PAG1: variants seen among roughly 807,000 people sequenced by gnomAD.
PAG1 encodes the protein phosphoprotein membrane anchor with glycosphingolipid microdomains 1.
Under a neutral mutation model 31.7 loss-of-function variants are expected in PAG1, and 23 were observed. The ratio of observed to expected loss-of-function variants is 0.73; its 90% CI spans 0.52 to 1.03. The LOEUF is 1.03. Among genes scored for constraint, PAG1 ranks in the 50% least tolerant of loss-of-function variants. The probability of loss-of-function intolerance (pLI) is 0.00; values close to 1 mark genes in which losing one functional copy is unlikely to be tolerated. For missense variants in PAG1, 473 were observed against 540.7 expected, an observed-to-expected ratio of 0.87 and a Z score of 1.24; for synonymous variants, 214 against 210.3, an observed-to-expected ratio of 1.02 and a Z score of -0.15.
chr8:81,009,745 T>C (rs879257300), intron 3 of PAG1, among the ~76,000 whole-genome samples: 3 of 152,176 alleles, frequency 2.0e-5, no homozygotes, highest in Non-Finnish European at 4.4e-5. Context: ...CTTAAGTAAC[T>C]AGGACTACAG....
chr8:81,087,073 G>GGT (rs1430621849), intron 1 of PAG1, among the ~76,000 whole-genome samples: 4 of 152,172 alleles, frequency 2.6e-5, no homozygotes, highest in African/African-American at 9.7e-5. Context: ...GGCCAGGCGT[G>GGT]GTGGCTCATG....
chr8:81,016,993 G>C (rs1808083724), intron 3 of PAG1, among the ~76,000 whole-genome samples: 1 of 152,202 alleles, frequency 6.6e-6, no homozygotes, highest in Non-Finnish European at 1.5e-5. Flanking sequence ...AAAAGTGAGA[G>C]AGCCCCACCA....
At chr8:81,080,879 G>T (rs1400536214) in intron 1 of PAG1, among the ~76,000 whole-genome samples, 1 of 152,150 alleles carries the variant, frequency 6.6e-6, no homozygotes, top group African/African-American at 2.4e-5. Flanking sequence ...CAGTCTCACA[G>T]CTATGACTCT....
chr8:81,099,695 T>C (rs917397292), intron 1 of PAG1, among the ~76,000 whole-genome samples: 5 of 152,164 alleles, frequency 3.3e-5, no homozygotes, highest in East Asian at 1.9e-4. Context: ...AATAGAAAGA[T>C]TGGTGGCTTC....
intron 1 of PAG1, among the ~76,000 whole-genome samples, chr8:81,075,887 A>C (rs1329973498): frequency 2.6e-5 from 4 of 152,224 alleles, no homozygotes; most frequent in Admixed American, 2.6e-4. Flanking sequence ...AAGGGTCTCT[A>C]ATCTCACTGT....
Position 81,112,068 on chromosome 8 carries a change from T to C in PAG1, c.-711A>G, listed in dbSNP as rs1416191450. On this transcript the variant is annotated 5_prime_UTR_variant, in exon 1 of 9. Transcript: ENST00000220597. ...GCACTCGCCGCCGCGCCGCGGAGAA[T>C]GACAGGCGCCGAGGCGGAGCAGCCG... is the stretch of plus-strand genomic sequence containing the variant. 2 of 151,758 alleles carry C rather than the reference T, an allele frequency of 1.3e-5. No individual in the cohort carries two copies. The highest frequency in any genetic ancestry group is 2.9e-5 in the Non-Finnish European group (2 of 67,920). 9.4% of individuals were successfully genotyped at this position (151,758 alleles called of 1,614,324 possible). A position where few individuals can be genotyped will look rare whatever the true frequency, so the allele number is the denominator to read the frequency against.
At chr8:81,014,360 A>C (rs754242941) in intron 3 of PAG1, among the ~76,000 whole-genome samples, 50 of 152,304 alleles carry the variant, frequency 3.3e-4, no homozygotes, top group Admixed American at 1.1e-3. Context: ...GGCCCATAAA[A>C]CATTACTTTA....
intron 2 of PAG1, among the ~76,000 whole-genome samples, chr8:81,035,656 C>G (rs1439997966): frequency 6.6e-6 from 1 of 152,088 alleles, no homozygotes; most frequent in African/African-American, 2.4e-5. Context: ...AGTGAGGGAA[C>G]AAGGAAGGCA....
intron 1 of PAG1, among the ~76,000 whole-genome samples, chr8:81,109,968 T>C (rs1443006059): frequency 1.3e-5 from 2 of 152,114 alleles, no homozygotes; most frequent in African/African-American, 4.8e-5. Context: ...AGATAAGCAC[T>C]GGATGCTCTC....
At chr8:81,016,701 GC>G (rs1304055321) in intron 3 of PAG1, among the ~76,000 whole-genome samples, 2 of 152,016 alleles carry the variant, frequency 1.3e-5, no homozygotes, top group Non-Finnish European at 2.9e-5. Context: ...CTTTCTCCTT[GC>G]CCTTTAAAAT....
intron 1 of PAG1, among the ~76,000 whole-genome samples, chr8:81,106,751 C>A (rs1052165122): frequency 1.3e-5 from 2 of 152,102 alleles, no homozygotes; most frequent in South Asian, 2.1e-4. Context: ...GAAAATATTA[C>A]GAGATGGTTT....
intron 3 of PAG1, among the ~76,000 whole-genome samples, chr8:81,001,870 C>T (rs1179601542): frequency 6.6e-6 from 1 of 152,208 alleles, no homozygotes; most frequent in Non-Finnish European, 1.5e-5. Flanking sequence ...CTCCAGGCGT[C>T]TGGCCTGTCT....
intron 2 of PAG1, chr8:81,039,544 A>AT (rs757669859): frequency 2.6e-5 from 4 of 152,214 alleles, no homozygotes; most frequent in African/African-American, 9.7e-5. Context: ...AGCCTCCAGA[A>AT]TGGTGAGACA....
At chr8:80,987,879 T>G (rs1807458885) in intron 5 of PAG1, among the ~76,000 whole-genome samples, 1 of 152,234 alleles carries the variant, frequency 6.6e-6, no homozygotes, top group African/African-American at 2.4e-5. Context: ...TAACTGAAAC[T>G]GCAGAAATCA....
chr8:80,990,728 G>T lies in PAG1; in HGVS notation c.177+751C>A, dbSNP rs1245189917. Among the ~76,000 whole-genome samples, 4 of 152,164 alleles carry T rather than the reference G, an allele frequency of 2.6e-5. No homozygotes were observed. Among genetic ancestry groups the T allele is most frequent in the African/African-American group, 9.7e-5 (4 of 41,428 alleles). On this transcript the variant is annotated intron_variant, in intron 5 of 8. Transcript: ENST00000220597. This position sits in a 1 kb window ranked among gnomAD's most constrained non-coding sequence, Gnocchi z 5.1. ...TGAGGGCTGGGAAAACGCCAGCAAG[G>T]CTAGGTTATATACCTAGGGTGTTGT...
intron 3 of PAG1, among the ~76,000 whole-genome samples, chr8:81,004,739 C>T (rs950753086): frequency 5.9e-5 from 9 of 152,174 alleles, no homozygotes; most frequent in Admixed American, 2.6e-4. Context: ...TTTAGCCTGG[C>T]AGCAGAGGCT....
chr8:80,991,385 C>T, intron 5 of PAG1, 94 bp downstream of exon 5: 3 of 982,816 alleles, frequency 3.1e-6, no homozygotes, highest in Non-Finnish European at 4.9e-6. Flanking sequence ...GTGGGTTCTA[C>T]TCAGGCTGTG....
At chr8:81,083,402 C>G (rs559360624) in intron 1 of PAG1, among the ~76,000 whole-genome samples, 32 of 152,190 alleles carry the variant, frequency 2.1e-4, no homozygotes, top group African/African-American at 7.5e-4. Context: ...CTTGTTACTA[C>G]GCAGCAGAAA....
At chr8:81,016,490 C>G (rs1008487003) in intron 3 of PAG1, among the ~76,000 whole-genome samples, 2 of 152,128 alleles carry the variant, frequency 1.3e-5, no homozygotes, top group Admixed American at 1.3e-4. Context: ...AACTTACTAC[C>G]TCCATTTTGT....
Sources: allele counts gnomAD v4.1 joint callset (sites outside exome capture counted in the v4.1 genomes callset), GRCh38; gene constraint gnomAD v4.1.1; non-coding constraint Gnocchi (gnomAD v3.1); transcripts MANE v1.5; gene names NCBI Gene and HGNC (gene_info 2026-07-23, HGNC 2026-07-21).